ZHX3: variants seen among roughly 807,000 people sequenced by gnomAD.
ZHX3 encodes zinc fingers and homeoboxes protein 3.
In ZHX3, 20 loss-of-function variants were observed where a neutral mutation model predicts 64.5. The observed-to-expected ratio is 0.31, with a 90% CI of 0.22 to 0.45. The LOEUF (loss-of-function observed/expected upper bound fraction) is 0.45, where lower values mean the gene tolerates loss of function less well. Among genes scored for constraint, ZHX3 ranks in the 20% least tolerant of loss-of-function variants. The probability of loss-of-function intolerance (pLI) is 1.00; values close to 1 mark genes in which losing one functional copy is unlikely to be tolerated. For synonymous variants in ZHX3, 423 were observed against 461.6 expected, an observed-to-expected ratio of 0.92 and a Z score of 1.07; for missense variants, 1,041 against 1,195.8, an observed-to-expected ratio of 0.87 and a Z score of 1.91.
At chr20:41,258,937 C>T (rs1408677021) in intron 2 of ZHX3, among the ~76,000 whole-genome samples, 1 of 152,104 alleles carries the variant, frequency 6.6e-6, no homozygotes, top group African/African-American at 2.4e-5. Context: ...ACTATTTCTG[C>T]CACACAAGCA....
Position 41,184,874 on chromosome 20 carries a change from G to A in ZHX3, c.*317C>T. ...TTAACATATAGAGGTGGATGTATATGTTAAAAGCTTGATTCTGTGTCTATG... is the reference window on the plus strand; with the variant it reads ...TTAACATATAGAGGTGGATGTATATATTAAAAGCTTGATTCTGTGTCTATG... On this transcript the variant is annotated 3_prime_UTR_variant, in exon 4 of 4. Coordinates refer to ENST00000683867, the MANE Select transcript of ZHX3 (RefSeq NM_001384317.1). 1 of 1,502,000 alleles carries A rather than the reference G, an allele frequency of 6.7e-7. No individual in the cohort carries two copies. Among genetic ancestry groups the A allele is most frequent in the Non-Finnish European group, 8.9e-7 (1 of 1,126,072 alleles). 93.0% of individuals were successfully genotyped at this position (1,502,000 alleles called of 1,614,324 possible).
intron 2 of ZHX3, among the ~76,000 whole-genome samples, chr20:41,249,616 C>T (rs968977176): frequency 3.3e-5 from 5 of 152,166 alleles, no homozygotes; most frequent in Non-Finnish European, 5.9e-5. Flanking sequence ...CTCCTTCCCC[C>T]AGTTCTCCAA....
In ZHX3 at chr20:41,201,268, C is replaced by T. The variant is rs908980381; in HGVS notation, c.2860+789G>A. 43 of 1,290,928 alleles carry T rather than the reference C, an allele frequency of 3.3e-5. No individual in the cohort carries two copies. The highest frequency in any genetic ancestry group is 3.5e-5 in the Non-Finnish European group (34 of 984,070). 80.0% of individuals were successfully genotyped at this position (1,290,928 alleles called of 1,614,324 possible). On this transcript the variant is annotated intron_variant, in intron 3 of 3. Transcript: ENST00000683867. The surrounding 1 kb of genome is among the most constrained non-coding windows in gnomAD (Gnocchi z 5.0). ...AATCCCTTCAGCTTCTACAATACTC[C>T]GCCCTCCTGGCTCTCACCTGAGCTT... is the stretch of plus-strand genomic sequence containing the variant.
At chr20:41,189,685 A>G (rs193165446) in intron 3 of ZHX3, among the ~76,000 whole-genome samples, 20 of 152,276 alleles carry the variant, frequency 1.3e-4, no homozygotes, top group Admixed American at 1.3e-3. Flanking sequence ...TTAACTTTAT[A>G]TCCTGCCACT....
Position 41,203,002 on chromosome 20 carries a change from C to G in ZHX3, c.1915G>C (p.Asp639His). 1 of 1,614,148 alleles carries G rather than the reference C, an allele frequency of 6.2e-7. No individual in the cohort carries two copies. Among genetic ancestry groups the G allele is most frequent in the Non-Finnish European group, 8.5e-7 (1 of 1,180,034 alleles). ...SSFAQNPLPLDEELDRLRSET... is the reference protein window; with the variant it reads ...SSFAQNPLPLHEELDRLRSET... ...CTTCTCAGGCGGTCCAGTTCCTCAT[C>G]AAGAGGAAGAGGGTTTTGTGCAAAA... Residue 639 changes from aspartate (D) to histidine (H), a missense_variant, in exon 3 of 4, where the codon GAT (aspartate) becomes CAT (histidine). By Grantham distance (81) the Asp-to-His change is moderately conservative (BLOSUM62 -1). Transcript: ENST00000683867. This position sits in a 1 kb window ranked among gnomAD's most constrained non-coding sequence, Gnocchi z 7.1.
intron 1 of ZHX3, among the ~76,000 whole-genome samples, chr20:41,282,975 C>T (rs6065329): frequency 0.14 from 21,007 of 152,098 alleles, 1,667 homozygotes; most frequent in Non-Finnish European, 0.17. Context: ...GTGGCATGAT[C>T]TTGGCTCACT....
chr20:41,185,055 G>C lies in ZHX3; in HGVS notation c.*136C>G. On this transcript the variant is annotated 3_prime_UTR_variant, in exon 4 of 4. Transcript: ENST00000683867. This position sits in a 1 kb window ranked among gnomAD's most constrained non-coding sequence, Gnocchi z 5.0. ...GCGGCAGGCTCTGGGCTGTCTGCGA[G>C]GATTCTGGAAGCTCTCCCAGGTGCC... The C allele has an allele frequency of 6.4e-7, 1 of 1,552,894 alleles. No individual in the cohort carries two copies. The highest frequency in any genetic ancestry group is 8.7e-7 in the Non-Finnish European group (1 of 1,147,460).
chr20:41,308,326 C>T (rs1181235802), intron 1 of ZHX3, among the ~76,000 whole-genome samples: 5 of 152,138 alleles, frequency 3.3e-5, no homozygotes, highest in African/African-American at 1.2e-4. Flanking sequence ...CCCTGTAGTT[C>T]ACTGAGGAGA....
chr20:41,291,812 CTGAG>C (rs1045409577), intron 1 of ZHX3, among the ~76,000 whole-genome samples: 12 of 151,458 alleles, frequency 7.9e-5, no homozygotes, highest in African/African-American at 2.4e-4. Context: ...TAAATATAGA[CTGAG>C]TATTAGATGA....
intron 2 of ZHX3, among the ~76,000 whole-genome samples, chr20:41,230,378 C>T (rs1465864639): frequency 9.2e-5 from 14 of 152,066 alleles, no homozygotes. Context: ...TTGTGTTTAT[C>T]ATTATAGTAC....
chr20:41,211,401 G>A (rs2039148045), intron 2 of ZHX3, among the ~76,000 whole-genome samples: 1 of 151,952 alleles, frequency 6.6e-6, no homozygotes, highest in African/African-American at 2.4e-5. Flanking sequence ...TTAAAACTTT[G>A]AAGGTGAGGG....
At position 41,259,664 on chromosome 20, in the gene ZHX3, G is replaced by C. The variant is rs2042454876; in HGVS notation, c.-151+9326C>G. Among the ~76,000 whole-genome samples the C allele has an allele frequency of 2.0e-5, 3 of 151,888 alleles. No homozygotes were observed. The South Asian group carries it at 6.2e-4, about 32-fold the overall frequency. ...GGAGAGAGGGATGGAGAGGGAGGGA[G>C]AAAGAAGAGAAAAAGAAAAGAATTA... On this transcript the variant is annotated intron_variant, in intron 2 of 3. Coordinates refer to ENST00000683867, the MANE Select transcript of ZHX3 (RefSeq NM_001384317.1).
chr20:41,222,820 G>A (rs1417553998), intron 2 of ZHX3, among the ~76,000 whole-genome samples: 3 of 151,272 alleles, frequency 2.0e-5, no homozygotes, highest in Non-Finnish European at 2.9e-5. Context: ...TGTTTTAATT[G>A]AAATTTTCCA....
chr20:41,249,746 T>C (rs1395487337), intron 2 of ZHX3, among the ~76,000 whole-genome samples: 1 of 152,186 alleles, frequency 6.6e-6, no homozygotes, highest in African/African-American at 2.4e-5. Flanking sequence ...CCCCACCTCC[T>C]TGTAAGCACA....
chr20:41,269,183 A>T (rs2043005803), intron 1 of ZHX3, 100 bp from the exon 2 acceptor site: 1 of 152,206 alleles, frequency 6.6e-6, no homozygotes. Flanking sequence ...TTCGCACTAG[A>T]ACTATACATA....
intron 2 of ZHX3, among the ~76,000 whole-genome samples, chr20:41,234,637 G>C (rs1032132104): frequency 6.6e-6 from 1 of 152,194 alleles, no homozygotes; most frequent in Non-Finnish European, 1.5e-5. Flanking sequence ...CCTCGCGAGG[G>C]AAAAAGGGAA....
intron 1 of ZHX3, among the ~76,000 whole-genome samples, chr20:41,271,670 T>C (rs1223410405): frequency 6.6e-6 from 1 of 152,188 alleles, no homozygotes; most frequent in Non-Finnish European, 1.5e-5. Context: ...TTCATAATAA[T>C]TGGCAAAACA....
rs1378663116 is a variant in ZHX3, at chr20:41,283,624, G to A, written c.-244-14541C>T. Among the ~76,000 whole-genome samples, 3 of 152,234 alleles carry A rather than the reference G, an allele frequency of 2.0e-5. No individual in the cohort carries two copies. The East Asian group carries it at 5.8e-4, about 29-fold the overall frequency. On this transcript the variant is annotated intron_variant, in intron 1 of 3. Transcript: ENST00000683867. The stretch of plus-strand genomic sequence containing the variant: ...ATACAAAAAATTAGCCAGGCATGGT[G>A]GCATGCGCCTGTATCCCAGCTACTC...
Position 41,202,631 on chromosome 20 carries a change from C to T in ZHX3, c.2286G>A (p.Gln762=). The change falls in exon 3 of 4, where the codon CAG becomes CAA. Residue 762 remains glutamine, a synonymous_variant. Coordinates refer to ENST00000683867, the MANE Select transcript of ZHX3 (RefSeq NM_001384317.1). The surrounding 1 kb of genome is among the most constrained non-coding windows in gnomAD (Gnocchi z 7.0). The stretch of plus-strand genomic sequence containing the variant: ...TTTTGCAGCTCACTTTGCCTGGGAG[C>T]TGCTCTGCCAGTTTGTTTGACTCAT... ...EDDESNKLAE[Q]LPGKVSCKKT... is the part of the protein sequence containing the mutation. The T allele has an allele frequency of 6.2e-7, 1 of 1,613,890 alleles. No individual in the cohort carries two copies. The highest frequency in any genetic ancestry group is 1.3e-5 in the African/African-American group (1 of 75,018).
Sources: gnomAD v4.1 joint callset for allele counts (sites outside exome capture counted in the v4.1 genomes callset) on GRCh38, gnomAD v4.1.1 for gene constraint, Gnocchi (gnomAD v3.1) non-coding constraint, MANE v1.5 for transcripts, NCBI Gene and HGNC (gene_info 2026-07-23, HGNC 2026-07-21) for gene names.